The following NFATC1 variants were observed in gnomAD, a reference collection of about 807,000 sequenced individuals.
NFATC1 encodes the protein nuclear factor of activated T cells 1.
In NFATC1, 22 loss-of-function variants were observed where a neutral mutation model predicts 76.0. The observed-to-expected ratio is 0.29, with a 90% CI of 0.21 to 0.41. The LOEUF (loss-of-function observed/expected upper bound fraction) is 0.41. Among genes scored for constraint, NFATC1 ranks in the 10% least tolerant of loss-of-function variants. The pLI is 1.00. For synonymous variants in NFATC1, 704 were observed against 613.1 expected (o/e 1.15, Z -2.19); for missense variants, 1,357 against 1,337.7 (o/e 1.01, Z -0.23).
At chr18:79,492,901 CTTTTT>C (rs10605674) in intron 9 of NFATC1, among the ~76,000 whole-genome samples, 5 of 87,238 alleles carry the variant, frequency 5.7e-5, no homozygotes, top group African/African-American at 2.6e-4. Flanking sequence ...ATGAATCCAG[CTTTTT>C]TTTTTTTTTT....
At chr18:79,507,966 A>G (rs940704936) in intron 9 of NFATC1, among the ~76,000 whole-genome samples, 2 of 152,208 alleles carry the variant, frequency 1.3e-5, no homozygotes, top group Non-Finnish European at 2.9e-5. Flanking sequence ...GATCCCTGTT[A>G]TGTACTTTCC....
At chr18:79,444,131 T>C (rs1022871740) in intron 3 of NFATC1, among the ~76,000 whole-genome samples, 8 of 152,188 alleles carry the variant, frequency 5.3e-5, no homozygotes, top group Non-Finnish European at 7.3e-5. Context: ...AAAAAACTTT[T>C]TTCTAGAACT....
At chr18:79,420,685 G>A (rs112517256) in intron 2 of NFATC1, among the ~76,000 whole-genome samples, 1,885 of 151,650 alleles carry the variant, frequency 0.012, 32 homozygotes, top group African/African-American at 0.043. Context: ...GCATTTCCAG[G>A]CAGCATGGCT....
At chr18:79,451,914 C>T (rs1030862047) in intron 6 of NFATC1, 98 bp downstream of exon 6, 17 of 1,424,692 alleles carry the variant, frequency 1.2e-5, no homozygotes, top group Middle Eastern at 4.3e-4. Context: ...GCACGGTCAC[C>T]GGGACGGGGC....
chr18:79,427,830 A>ACGGC (rs1298308699), intron 2 of NFATC1, among the ~76,000 whole-genome samples: 12 of 104,802 alleles, frequency 1.1e-4, no homozygotes, highest in African/African-American at 4.5e-4. Context: ...GGGGAGCTGG[A>ACGGC]TGGCTGGCCT....
chr18:79,413,510 G>T (rs1429602447), intron 2 of NFATC1, among the ~76,000 whole-genome samples: 2 of 152,162 alleles, frequency 1.3e-5, no homozygotes, highest in Admixed American at 6.5e-5. Context: ...CCCCTTTTGT[G>T]AGGACACTGG....
chr18:79,507,871 G>A (rs1011305846), intron 9 of NFATC1, among the ~76,000 whole-genome samples: 12 of 152,228 alleles, frequency 7.9e-5, no homozygotes, highest in Non-Finnish European at 7.4e-5. Context: ...AAACACGTCC[G>A]TCACGTGGCC....
chr18:79,407,312 G>A lies in NFATC1; in HGVS notation c.128-3091G>A, dbSNP rs767762606. Among the ~76,000 whole-genome samples, 184 of 152,332 alleles carry A rather than the reference G, an allele frequency of 1.2e-3. 1 individual carries two copies. The highest frequency in any genetic ancestry group is 2.1e-3 in the Non-Finnish European group (146 of 68,030). ...CCCAGAGCTGGCGTCTTGCAGCTGGGGCAGATCCTGGGGATGGTGTGTGTG... is the reference window on the plus strand; with the variant it reads ...CCCAGAGCTGGCGTCTTGCAGCTGGAGCAGATCCTGGGGATGGTGTGTGTG... On this transcript the variant is annotated intron_variant, in intron 1 of 9. Coordinates refer to ENST00000427363, the MANE Select transcript of NFATC1 (RefSeq NM_001278669.2).
Position 79,410,315 on chromosome 18 carries a change from G to A in NFATC1, c.128-88G>A, listed in dbSNP as rs905076025. On this transcript the variant is annotated intron_variant, in intron 1 of 9. Coordinates refer to ENST00000427363, the MANE Select transcript of NFATC1 (RefSeq NM_001278669.2). The surrounding 1 kb of genome is among the most constrained non-coding windows in gnomAD (Gnocchi z 6.7). ...TCCTTGGGGTCCGTTGGTCGAGGCC[G>A]GGGGTTGCTGGCCGGCCCTGAGTTC... is the stretch of plus-strand genomic sequence containing the variant. 2.1e-4 allele frequency: 312 copies of A among 1,521,086 alleles called. 2 individuals carry two copies. The highest frequency in any genetic ancestry group is 1.4e-3 in the Middle Eastern group (8 of 5,640). 94.2% of individuals were successfully genotyped at this position (1,521,086 alleles called of 1,614,324 possible). A position where few individuals can be genotyped will look rare whatever the true frequency, so the allele number is the denominator to read the frequency against.
At chr18:79,489,695 C>T (rs2089620382) in intron 9 of NFATC1, among the ~76,000 whole-genome samples, 2 of 152,184 alleles carry the variant, frequency 1.3e-5, no homozygotes, top group African/African-American at 4.8e-5. Flanking sequence ...AGACCACACC[C>T]CAGCCCACCA....
chr18:79,420,148 T>A (rs1292624962), intron 2 of NFATC1, among the ~76,000 whole-genome samples: 2 of 152,166 alleles, frequency 1.3e-5, no homozygotes, highest in Non-Finnish European at 2.9e-5. Context: ...CAGATGTGTT[T>A]CCAGGCGAGG....
chr18:79,439,282 A>G (rs1350741792), intron 3 of NFATC1, among the ~76,000 whole-genome samples: 1 of 152,218 alleles, frequency 6.6e-6, no homozygotes, highest in Non-Finnish European at 1.5e-5. Flanking sequence ...TTATCTGATC[A>G]GAGCTCCGAG....
chr18:79,473,958 C>A (rs979149469), intron 8 of NFATC1, among the ~76,000 whole-genome samples: 1 of 146,576 alleles, frequency 6.8e-6, no homozygotes, highest in South Asian at 2.2e-4. Flanking sequence ...CTGAGGGAAG[C>A]GTGTTCTCGC....
At chr18:79,474,531 TCA>T (rs1255820466) in intron 8 of NFATC1, among the ~76,000 whole-genome samples, 1 of 148,150 alleles carries the variant, frequency 6.7e-6, no homozygotes, top group Non-Finnish European at 1.5e-5. Context: ...GTTCTCACAC[TCA>T]CTGTCGACAT....
intron 9 of NFATC1, among the ~76,000 whole-genome samples, chr18:79,500,846 A>G (rs1332547947): frequency 6.6e-6 from 1 of 152,194 alleles, no homozygotes; most frequent in Non-Finnish European, 1.5e-5. Flanking sequence ...AAAGAAATTA[A>G]TAATTTAACA....
chr18:79,489,520 C>T (rs1382412313), intron 9 of NFATC1, among the ~76,000 whole-genome samples: 3 of 152,228 alleles, frequency 2.0e-5, no homozygotes, highest in East Asian at 1.9e-4. Context: ...GGCGTGCTGC[C>T]GTCGGGACAC....
In NFATC1 at chr18:79,475,392, C is replaced by T. The variant is rs185485593; in HGVS notation, c.2092+7810C>T. Among the ~76,000 whole-genome samples the T allele has an allele frequency of 8.0e-3, 1,196 of 148,878 alleles. 20 individuals carry two copies. Among genetic ancestry groups the T allele is most frequent in the African/African-American group, 0.027 (1,073 of 40,032 alleles). ...CTCACTGTCGACGTTGCGAGGGAAG[C>T]GTGTTCTCACGCTCACCGTCGACGT... On this transcript the variant is annotated intron_variant, in intron 8 of 9. Coordinates refer to ENST00000427363, the MANE Select transcript of NFATC1 (RefSeq NM_001278669.2).
Position 79,467,394 on chromosome 18 carries a change from G to A in NFATC1, c.1960-56G>A, listed in dbSNP as rs112543943. The A allele has an allele frequency of 1.8e-3, 2,564 of 1,460,410 alleles. 70 individuals carry two copies. The African/African-American group carries it at 0.038, about 22-fold the overall frequency. The allele number at this position is 1,460,410 out of a possible 1,614,324, so 90.5% of individuals were successfully genotyped here. Reference sequence around the variant, plus strand: ...GGTTGCCGTGTGGCCGCCGTGGCGCGGCAGCCATCGCCTGCCCGGTGCTGA... The same window carrying A: ...GGTTGCCGTGTGGCCGCCGTGGCGCAGCAGCCATCGCCTGCCCGGTGCTGA... On this transcript the variant is annotated intron_variant, in intron 7 of 9. Coordinates refer to ENST00000427363, the MANE Select transcript of NFATC1 (RefSeq NM_001278669.2).
At chr18:79,409,594 C>T (rs1357921045) in intron 1 of NFATC1, among the ~76,000 whole-genome samples, 3 of 152,110 alleles carry the variant, frequency 2.0e-5, no homozygotes, top group Non-Finnish European at 4.4e-5. Flanking sequence ...CTTGTTTGTC[C>T]ATCACCATCC....
Sources: gnomAD v4.1 joint callset for allele counts (sites outside exome capture counted in the v4.1 genomes callset) on GRCh38, gnomAD v4.1.1 for gene constraint, Gnocchi (gnomAD v3.1) non-coding constraint, MANE v1.5 for transcripts, NCBI Gene and HGNC (gene_info 2026-07-23, HGNC 2026-07-21) for gene names.